LONRF1: variants seen among roughly 807,000 people sequenced by gnomAD.
The protein encoded by LONRF1 is LON peptidase N-terminal domain and ring finger 1.
A neutral mutation model predicts 85.8 loss-of-function variants in LONRF1; 37 were observed. That is an observed-to-expected ratio of 0.43 (90% CI 0.33 to 0.57). The LOEUF (loss-of-function observed/expected upper bound fraction) is 0.57, where lower values mean the gene tolerates loss of function less well. Among genes scored for constraint, LONRF1 ranks in the 20% least tolerant of loss-of-function variants. The pLI, the probability that LONRF1 is intolerant of heterozygous loss-of-function variation, is 0.04. For synonymous variants in LONRF1, 517 were observed against 390.1 expected, an observed-to-expected ratio of 1.33 and a Z score of -3.83; for missense variants, 1,036 against 978.0, an observed-to-expected ratio of 1.06 and a Z score of -0.79.
At chr8:12,736,539 TG>T (rs1366353500) in intron 6 of LONRF1, among the ~76,000 whole-genome samples, 161 bp downstream of exon 6, 1 of 152,204 alleles carries the variant, frequency 6.6e-6, no homozygotes, top group African/African-American at 2.4e-5. Context: ...TTCAGTTATT[TG>T]CCCAAGGCAT....
intron 2 of LONRF1, 130 bp from the exon 3 acceptor site, chr8:12,741,126 G>T: frequency 1.1e-6 from 1 of 896,796 alleles, no homozygotes; most frequent in Non-Finnish European, 1.7e-6. Flanking sequence ...GCTCACGCCT[G>T]TAATCCCAGC....
intron 1 of LONRF1, among the ~76,000 whole-genome samples, chr8:12,744,291 C>T (rs1799057146): frequency 6.6e-6 from 1 of 152,032 alleles, no homozygotes; most frequent in Admixed American, 6.5e-5. Context: ...TTAGGAAGGC[C>T]TCTTTCAGTT....
At chr8:12,754,430 C>T in intron 1 of LONRF1, 1 of 312,360 alleles carries the variant, frequency 3.2e-6, no homozygotes, top group Non-Finnish European at 5.7e-6. Context: ...CGCCCGACAG[C>T]CAGGCCGCGG....
chr8:12,723,719 G>A (rs558699175), intron 11 of LONRF1, among the ~76,000 whole-genome samples: 1 of 152,224 alleles, frequency 6.6e-6, no homozygotes, highest in Non-Finnish European at 1.5e-5. Flanking sequence ...CAAATATCCT[G>A]TGGGGGCAAC....
intron 10 of LONRF1, among the ~76,000 whole-genome samples, chr8:12,727,034 T>G (rs527781384): frequency 2.0e-5 from 3 of 151,638 alleles, no homozygotes; most frequent in South Asian, 4.2e-4. Context: ...TTGAAGAATT[T>G]TGGTCCTGAA....
chr8:12,744,203 T>A (rs1181259710), intron 1 of LONRF1, among the ~76,000 whole-genome samples: 1 of 152,172 alleles, frequency 6.6e-6, no homozygotes, highest in Non-Finnish European at 1.5e-5. Flanking sequence ...TTTAATAAAA[T>A]TTATCAATAG....
At chr8:12,736,605 T>G in intron 6 of LONRF1, 96 bp downstream of exon 6, 1 of 814,170 alleles carries the variant, frequency 1.2e-6, no homozygotes, top group Non-Finnish European at 1.9e-6. Context: ...TCCAGCATTG[T>G]GTTACTTTAC....
intron 3 of LONRF1, among the ~76,000 whole-genome samples, chr8:12,739,951 T>A (rs951378163): frequency 6.6e-6 from 1 of 152,200 alleles, no homozygotes. Flanking sequence ...GGCTGAGATC[T>A]GAGAACAATC....
At chr8:12,747,257 G>T (rs954498815) in intron 1 of LONRF1, among the ~76,000 whole-genome samples, 1 of 152,128 alleles carries the variant, frequency 6.6e-6, no homozygotes, top group Non-Finnish European at 1.5e-5. Flanking sequence ...TTTATTTCAT[G>T]GGTTGAAGAG....
At chr8:12,728,620 C>A (rs1419026693) in intron 10 of LONRF1, among the ~76,000 whole-genome samples, 1 of 152,214 alleles carries the variant, frequency 6.6e-6, no homozygotes, top group African/African-American at 2.4e-5. Flanking sequence ...TGTATACACA[C>A]ATGCACATGT....
rs746588212 is a variant in LONRF1, at chr8:12,725,811, G to A, written c.2079C>T (p.Ser693=). ...LHDLVYSQAC[S]WFQNLRDRFR... is the part of the protein sequence containing the mutation. ...ATCTGTCTCTTAAATTCTGAAACCA[G>A]CTGCAGGCTTGAGAGTAAACCAAAT... The change falls in exon 11 of 12, where the codon AGC becomes AGT. Residue 693 remains serine (S), a synonymous_variant. Transcript: ENST00000398246. The A allele has an allele frequency of 3.8e-5, 62 of 1,613,582 alleles. No individual in the cohort carries two copies. The highest frequency in any genetic ancestry group is 8.5e-7 in the Non-Finnish European group (1 of 1,179,738).
At chr8:12,735,209 A>T (rs564511255) in intron 7 of LONRF1, 77 bp downstream of exon 7, 1 of 936,952 alleles carries the variant, frequency 1.1e-6, no homozygotes, top group African/African-American at 1.6e-5. Context: ...GATCATCACT[A>T]TTTCTATGGC....
chr8:12,745,104 A>G (rs1208046676), intron 1 of LONRF1, among the ~76,000 whole-genome samples: 1 of 152,134 alleles, frequency 6.6e-6, no homozygotes, highest in African/African-American at 2.4e-5. Flanking sequence ...AAAAAAAGAC[A>G]TATTCCTTCC....
intron 10 of LONRF1, chr8:12,727,253 C>G (rs985533056): frequency 4.1e-5 from 6 of 144,992 alleles, no homozygotes; most frequent in East Asian, 2.1e-4. Context: ...GGCCAAAAAG[C>G]AGGCAGAGAC....
intron 4 of LONRF1, among the ~76,000 whole-genome samples, chr8:12,737,524 A>G (rs1410841774): frequency 2.0e-5 from 3 of 152,184 alleles, no homozygotes; most frequent in East Asian, 1.9e-4. Context: ...GAGGATGTGC[A>G]TAAGTTATAT....
At position 12,728,996 on chromosome 8, in the gene LONRF1, C is replaced by T; in HGVS notation, c.1915G>A (p.Val639Ile). Residue 639 changes from valine (V) to isoleucine (I), a missense_variant, in exon 10 of 12, where the codon GTT (valine) becomes ATT (isoleucine). Physicochemically the swap from Val to Ile is conservative, Grantham distance 29. Transcript: ENST00000398246. ...AACCGCTTTCCTCCAACTGTATCAA[C>T]CACAGACCTTCCGTCCGGTAAGAAA... is the stretch of plus-strand genomic sequence containing the variant. ...VHFLPDGRSVVDTVGGKRFRV... is the reference protein window; with the variant it reads ...VHFLPDGRSVIDTVGGKRFRV... The T allele has an allele frequency of 6.2e-7, 1 of 1,614,066 alleles. No individual in the cohort carries two copies. Among genetic ancestry groups the T allele is most frequent in the Non-Finnish European group, 8.5e-7 (1 of 1,179,922 alleles).
chr8:12,745,147 A>C (rs144957240), intron 1 of LONRF1, among the ~76,000 whole-genome samples: 1 of 152,150 alleles, frequency 6.6e-6, no homozygotes, highest in East Asian at 1.9e-4. Flanking sequence ...GGATATTGAG[A>C]TCTCCCTAAA....
intron 8 of LONRF1, among the ~76,000 whole-genome samples, chr8:12,730,329 G>C (rs576461058): frequency 6.6e-6 from 1 of 152,146 alleles, no homozygotes; most frequent in Non-Finnish European, 1.5e-5. Context: ...TTCAAGTTTG[G>C]AAATATGTAT....
chr8:12,726,568 C>T (rs1798314991), intron 10 of LONRF1, among the ~76,000 whole-genome samples: 1 of 152,202 alleles, frequency 6.6e-6, no homozygotes, highest in Admixed American at 6.5e-5. Context: ...AGGCTTCCAG[C>T]CTGAGATAGA....
Sources: allele counts gnomAD v4.1 joint callset (sites outside exome capture counted in the v4.1 genomes callset), GRCh38; gene constraint gnomAD v4.1.1; transcripts MANE v1.5; gene names NCBI Gene and HGNC (gene_info 2026-07-23, HGNC 2026-07-21).